Variants in DHRS3 observed in about 807,000 individuals in gnomAD.
The protein encoded by DHRS3 is short-chain dehydrogenase/reductase 3.
DHRS3 carries 14 observed loss-of-function variants against 27.2 expected under a neutral mutation model. The ratio of observed to expected loss-of-function variants is 0.52; its 90% CI spans 0.34 to 0.81. The LOEUF is 0.81. DHRS3 is among the 30% of genes least tolerant of loss of function. DHRS3 has a pLI of 0.01. For missense variants in DHRS3, 322 were observed against 406.2 expected, an observed-to-expected ratio of 0.79 and a Z score of 1.78; for synonymous variants, 165 against 175.9, an observed-to-expected ratio of 0.94 and a Z score of 0.49.
intron 1 of DHRS3, among the ~76,000 whole-genome samples, chr1:12,583,828 T>C (rs1210616081): frequency 6.7e-6 from 1 of 148,486 alleles, no homozygotes; most frequent in Non-Finnish European, 1.5e-5. Context: ...CTACTCCATC[T>C]ATCCAACCAT....
chr1:12,571,590 G>GT (rs1264660763), intron 5 of DHRS3, among the ~76,000 whole-genome samples: 1 of 150,436 alleles, frequency 6.6e-6, no homozygotes, highest in African/African-American at 2.5e-5. Flanking sequence ...GAGTGCGGTG[G>GT]TGCGATCTCG....
chr1:12,574,294 C>G lies in DHRS3; in HGVS notation c.699-1441G>C, dbSNP rs866616283. On this transcript the variant is annotated intron_variant, in intron 4 of 5. Coordinates refer to ENST00000616661, the MANE Select transcript of DHRS3 (RefSeq NM_004753.7). This position sits in a 1 kb window ranked among gnomAD's most constrained non-coding sequence, Gnocchi z 4.6. The stretch of plus-strand genomic sequence containing the variant: ...TCAAGTAATCCTCCTGCCTCAGCCA[C>G]CCGAGTAGCTGGGACTACAGGTGCA... 3.9e-5 allele frequency among the ~76,000 whole-genome samples: 6 copies of G among 152,188 alleles called. No homozygotes were observed. Among genetic ancestry groups the G allele is most frequent in the African/African-American group, 1.4e-4 (6 of 41,452 alleles).
intron 1 of DHRS3, among the ~76,000 whole-genome samples, chr1:12,615,311 G>A (rs1256030852): frequency 1.3e-5 from 2 of 152,182 alleles, no homozygotes; most frequent in Non-Finnish European, 2.9e-5. Context: ...AGTTTCACAG[G>A]CCCCCATGGA....
Position 12,574,571 on chromosome 1 carries a change from G to A in DHRS3, c.699-1718C>T, listed in dbSNP as rs111534650. ...GTTGAGGCAGCTCACTGATACTGGAGTCCTACAGGTGTCGTGGGCGGTCTG... is the reference window on the plus strand; with the variant it reads ...GTTGAGGCAGCTCACTGATACTGGAATCCTACAGGTGTCGTGGGCGGTCTG... On this transcript the variant is annotated intron_variant, in intron 4 of 5. Transcript: ENST00000616661. The surrounding 1 kb of genome is among the most constrained non-coding windows in gnomAD (Gnocchi z 4.6). 6.6e-4 allele frequency among the ~76,000 whole-genome samples: 100 copies of A among 152,304 alleles called. 1 individual carries two copies. The highest frequency in any genetic ancestry group is 2.1e-3 in the African/African-American group (87 of 41,564).
At chr1:12,579,622 C>T in intron 2 of DHRS3, 1 of 515,170 alleles carries the variant, frequency 1.9e-6, no homozygotes, top group Non-Finnish European at 3.2e-6. Flanking sequence ...ATTACAGGCT[C>T]CTGCCACCAT....
intron 4 of DHRS3, among the ~76,000 whole-genome samples, chr1:12,573,619 G>A (rs1222874966): frequency 6.6e-6 from 1 of 152,222 alleles, no homozygotes; most frequent in Non-Finnish European, 1.5e-5. Context: ...CTTGGCTAGC[G>A]ATGGCTGGGG....
At chr1:12,568,454 G>A (rs750174902) in intron 5 of DHRS3, 30 bp from the exon 6 acceptor site, 18 of 1,604,822 alleles carry the variant, frequency 1.1e-5, no homozygotes, top group Non-Finnish European at 1.5e-5. Flanking sequence ...AGAAGATAGC[G>A]ATGGTTAGTG....
intron 1 of DHRS3, chr1:12,616,744 C>G: frequency 9.9e-7 from 1 of 1,014,764 alleles, no homozygotes; most frequent in Non-Finnish European, 1.2e-6. Context: ...TACGAGGCGC[C>G]AGCTAGCAGG....
chr1:12,574,445 G>A lies in DHRS3; in HGVS notation c.699-1592C>T, dbSNP rs191152022. Reference sequence around the variant, plus strand: ...GCCTCCCAAAGCACTGGGATTACTGGTGTGAACCCAGCTACCACGCCTGGC... The same window carrying A: ...GCCTCCCAAAGCACTGGGATTACTGATGTGAACCCAGCTACCACGCCTGGC... On this transcript the variant is annotated intron_variant, in intron 4 of 5. Coordinates refer to ENST00000616661, the MANE Select transcript of DHRS3 (RefSeq NM_004753.7). The surrounding 1 kb of genome is among the most constrained non-coding windows in gnomAD (Gnocchi z 4.6). Among the ~76,000 whole-genome samples the A allele has an allele frequency of 8.4e-4, 128 of 152,328 alleles. No homozygotes were observed. The highest frequency in any genetic ancestry group is 1.6e-3 in the Non-Finnish European group (109 of 68,034).
At chr1:12,572,601 A>G in intron 5 of DHRS3, 127 bp downstream of exon 5, 2 of 1,413,644 alleles carry the variant, frequency 1.4e-6, no homozygotes, top group Non-Finnish European at 1.9e-6. Context: ...CTGCTGCCCC[A>G]CAGTAAGTAC....
At chr1:12,613,808 C>T (rs1277085550) in intron 1 of DHRS3, among the ~76,000 whole-genome samples, 5 of 152,076 alleles carry the variant, frequency 3.3e-5, no homozygotes, top group East Asian at 3.9e-4. Context: ...TTTGCTCTGT[C>T]GCCCAGGCTG....
At chr1:12,581,562 C>T (rs1009517480) in intron 1 of DHRS3, among the ~76,000 whole-genome samples, 7 of 152,112 alleles carry the variant, frequency 4.6e-5, no homozygotes, top group Non-Finnish European at 8.8e-5. Flanking sequence ...ACTCATTACG[C>T]CAGAAGGTGA....
intron 5 of DHRS3, among the ~76,000 whole-genome samples, chr1:12,568,698 G>A (rs1053394621): frequency 2.6e-5 from 4 of 152,208 alleles, no homozygotes; most frequent in African/African-American, 9.6e-5. Context: ...GGCCGAGATG[G>A]GCGGATCGCT....
intron 1 of DHRS3, among the ~76,000 whole-genome samples, chr1:12,606,512 C>T (rs918927395): frequency 4.0e-5 from 6 of 151,538 alleles, no homozygotes; most frequent in African/African-American, 1.5e-4. Flanking sequence ...TTTTTGAGAC[C>T]GAGTTTCACT....
chr1:12,585,941 T>C (rs1002099067), intron 1 of DHRS3, among the ~76,000 whole-genome samples: 1 of 152,208 alleles, frequency 6.6e-6, no homozygotes, highest in Non-Finnish European at 1.5e-5. Context: ...GCCAGAGGCC[T>C]GGAATTTACT....
chr1:12,598,482 C>T (rs961654669), intron 1 of DHRS3, among the ~76,000 whole-genome samples: 3 of 152,166 alleles, frequency 2.0e-5, no homozygotes, highest in Non-Finnish European at 2.9e-5. Flanking sequence ...CCTTATCCTC[C>T]GTTCTAGAAT....
At chr1:12,612,191 GCA>G (rs1646915151) in intron 1 of DHRS3, among the ~76,000 whole-genome samples, 1 of 152,196 alleles carries the variant, frequency 6.6e-6, no homozygotes, top group South Asian at 2.1e-4. Flanking sequence ...CTTTCAGGCT[GCA>G]CAGAGTGAGG....
Position 12,572,749 on chromosome 1 carries a change from T to C in DHRS3, c.803A>G (p.His268Arg). 1 of 1,608,996 alleles carries C rather than the reference T, an allele frequency of 6.2e-7. No individual in the cohort carries two copies. Among genetic ancestry groups the C allele is most frequent in the East Asian group, 2.2e-5 (1 of 44,812 alleles). Residue 268 changes from histidine (H) to arginine (R), a missense_variant, in exon 5 of 6, where the codon CAT becomes CGT. His to Arg is a conservative substitution (Grantham distance 29). Transcript: ENST00000616661. ...ATACCTTTTCAAGATAACGAGGGCATGCATTGTCCATGGGAGGAGGAGGAG... is the reference window on the plus strand; with the variant it reads ...ATACCTTTTCAAGATAACGAGGGCACGCATTGTCCATGGGAGGAGGAGGAG... ...QALLLLPWTM[H>R]ALVILKSILP...
intron 1 of DHRS3, among the ~76,000 whole-genome samples, chr1:12,610,373 T>C (rs1304029806): frequency 1.3e-5 from 2 of 152,042 alleles, no homozygotes; most frequent in Non-Finnish European, 2.9e-5. Flanking sequence ...ATTACAGGCA[T>C]GAGAATGTAC....
Sources: gnomAD v4.1 joint callset for allele counts (sites outside exome capture counted in the v4.1 genomes callset) on GRCh38, gnomAD v4.1.1 for gene constraint, Gnocchi (gnomAD v3.1) non-coding constraint, MANE v1.5 for transcripts, NCBI Gene and HGNC (gene_info 2026-07-23, HGNC 2026-07-21) for gene names.